Variants in SDK1 observed in about 807,000 individuals in gnomAD.
The protein encoded by SDK1 is protein sidekick-1.
A neutral mutation model predicts 245.5 loss-of-function variants in SDK1; 157 were observed. The observed-to-expected ratio is 0.64, with a 90% CI of 0.56 to 0.73. SDK1 has a LOEUF of 0.73. Among genes scored for constraint, SDK1 ranks in the 30% least tolerant of loss-of-function variants. The probability of loss-of-function intolerance (pLI) is 0.00; values close to 1 mark genes in which losing one functional copy is unlikely to be tolerated. For synonymous variants in SDK1, 1,647 were observed against 1,278.5 expected, an observed-to-expected ratio of 1.29 and a Z score of -6.15; for missense variants, 3,583 against 3,002.3, an observed-to-expected ratio of 1.19 and a Z score of -4.52.
intron 1 of SDK1, among the ~76,000 whole-genome samples, chr7:3,579,795 A>G (rs1319501845): frequency 6.6e-6 from 1 of 152,230 alleles, no homozygotes; most frequent in East Asian, 1.9e-4. Context: ...GGGCATCCAA[A>G]GAGAGAGGAA....
chr7:3,867,048 G>C (rs1423243747), intron 5 of SDK1, among the ~76,000 whole-genome samples: 1 of 152,212 alleles, frequency 6.6e-6, no homozygotes, highest in Non-Finnish European at 1.5e-5. Flanking sequence ...GCTGGTATGA[G>C]TGGGCGCAGG....
intron 1 of SDK1, among the ~76,000 whole-genome samples, chr7:3,472,026 G>C (rs1435645512): frequency 6.6e-6 from 1 of 152,112 alleles, no homozygotes; most frequent in Admixed American, 6.6e-5. Flanking sequence ...TAATCGGTAT[G>C]ACCCTCTTGT....
At chr7:3,632,535 C>T (rs1782327793) in intron 2 of SDK1, among the ~76,000 whole-genome samples, 1 of 150,198 alleles carries the variant, frequency 6.7e-6, no homozygotes, top group African/African-American at 2.4e-5. Context: ...TTCCCAAAAC[C>T]AGTGCTACAG....
chr7:3,558,474 G>A (rs1212251415), intron 1 of SDK1, among the ~76,000 whole-genome samples: 1 of 152,214 alleles, frequency 6.6e-6, no homozygotes, highest in Non-Finnish European at 1.5e-5. Context: ...TCATAGAGAA[G>A]ATTAGAATTA....
chr7:3,409,769 G>C lies in SDK1; in HGVS notation c.298+107885G>C, dbSNP rs577888403. 1.4e-4 allele frequency among the ~76,000 whole-genome samples: 22 copies of C among 152,296 alleles called. No homozygotes were observed. The South Asian group carries it at 4.4e-3, about 30-fold the overall frequency. On this transcript the variant is annotated intron_variant, in intron 1 of 44. Coordinates refer to ENST00000404826, the MANE Select transcript of SDK1 (RefSeq NM_152744.4). Reference sequence around the variant, plus strand: ...ACCACGCTTTGTATTTAGGTGGGCTGTGGTGGGGTGGAGGGGATTGAGGTG... The same window carrying C: ...ACCACGCTTTGTATTTAGGTGGGCTCTGGTGGGGTGGAGGGGATTGAGGTG...
intron 1 of SDK1, among the ~76,000 whole-genome samples, chr7:3,498,598 G>C (rs1266825704): frequency 6.6e-6 from 1 of 152,028 alleles, no homozygotes; most frequent in Non-Finnish European, 1.5e-5. Flanking sequence ...TTCCTTTCTT[G>C]GTTTTCCATC....
At chr7:3,484,487 G>T (rs933896844) in intron 1 of SDK1, among the ~76,000 whole-genome samples, 2 of 152,146 alleles carry the variant, frequency 1.3e-5, no homozygotes, top group African/African-American at 4.8e-5. Flanking sequence ...TTTCAGTTTG[G>T]TTGGAAAAAT....
chr7:3,991,558 G>A (rs765137255), intron 14 of SDK1, among the ~76,000 whole-genome samples: 3 of 152,180 alleles, frequency 2.0e-5, no homozygotes, highest in Non-Finnish European at 2.9e-5. Context: ...CACACAAGAT[G>A]GCTCTGTAGG....
At chr7:4,039,350 A>G (rs1788442210) in intron 17 of SDK1, among the ~76,000 whole-genome samples, 1 of 152,158 alleles carries the variant, frequency 6.6e-6, no homozygotes, top group South Asian at 2.1e-4. Context: ...CTCTATAAAT[A>G]TGCAACAGTA....
rs113473067 is a variant in SDK1, at chr7:3,430,041, A to C, written c.298+128157A>C. 2.3e-3 allele frequency among the ~76,000 whole-genome samples: 346 copies of C among 152,332 alleles called. 1 individual carries two copies. Among genetic ancestry groups the C allele is most frequent in the African/African-American group, 7.9e-3 (327 of 41,576 alleles). On this transcript the variant is annotated intron_variant, in intron 1 of 44. Transcript: ENST00000404826. ...GTGACATATTACATTTCAAGTGCCA[A>C]CTTGGGAATGGTGGAACTCTGCCTC...
At chr7:3,646,352 C>T (rs868421251) in intron 4 of SDK1, among the ~76,000 whole-genome samples, 12 of 151,626 alleles carry the variant, frequency 7.9e-5, no homozygotes, top group Admixed American at 2.6e-4. Flanking sequence ...AACAGTAAGT[C>T]TAATGTTTTC....
chr7:3,586,455 T>G (rs1464132889), intron 1 of SDK1, among the ~76,000 whole-genome samples: 1 of 150,818 alleles, frequency 6.6e-6, no homozygotes, highest in African/African-American at 2.4e-5. Context: ...CCCAGCACTT[T>G]GGGAGGCCGA....
intron 1 of SDK1, among the ~76,000 whole-genome samples, chr7:3,485,860 A>G (rs939491574): frequency 2.0e-5 from 3 of 151,818 alleles, no homozygotes; most frequent in Non-Finnish European, 4.4e-5. Flanking sequence ...TTAGGTTTTT[A>G]AAAAATCTTA....
chr7:3,720,012 G>T (rs1785318767), intron 4 of SDK1, among the ~76,000 whole-genome samples: 1 of 151,552 alleles, frequency 6.6e-6, no homozygotes, highest in Non-Finnish European at 1.5e-5. Flanking sequence ...AAAACTCAGA[G>T]TATCTTTGGG....
intron 1 of SDK1, among the ~76,000 whole-genome samples, chr7:3,580,985 A>AAAAC (rs1780465510): frequency 1.4e-5 from 2 of 139,608 alleles, no homozygotes; most frequent in African/African-American, 5.3e-5. Flanking sequence ...AAAAAAAAAA[A>AAAAC]AAAAAAAAAC....
chr7:4,011,218 C>A, intron 15 of SDK1, 105 bp downstream of exon 15: 2 of 1,407,846 alleles, frequency 1.4e-6, no homozygotes, highest in Non-Finnish European at 1.9e-6. Context: ...AACCCGCTGG[C>A]TTCCCTCAGG....
At chr7:3,923,985 G>A (rs1401792573) in intron 5 of SDK1, among the ~76,000 whole-genome samples, 1 of 152,102 alleles carries the variant, frequency 6.6e-6, no homozygotes, top group African/African-American at 2.4e-5. Context: ...TTGATTCTCA[G>A]CAGAAATGCA....
At chr7:3,344,046 C>CAT (rs1780428568) in intron 1 of SDK1, among the ~76,000 whole-genome samples, 1 of 147,798 alleles carries the variant, frequency 6.8e-6, no homozygotes. Flanking sequence ...ACTAGAAATG[C>CAT]ATGTATATTT....
At chr7:3,657,274 T>C (rs1244546404) in intron 4 of SDK1, among the ~76,000 whole-genome samples, 1 of 152,098 alleles carries the variant, frequency 6.6e-6, no homozygotes, top group Non-Finnish European at 1.5e-5. Context: ...CAAAACATGC[T>C]AAACAGATGA....
Sources: gnomAD v4.1 joint callset for allele counts (sites outside exome capture counted in the v4.1 genomes callset) on GRCh38, gnomAD v4.1.1 for gene constraint, MANE v1.5 for transcripts, NCBI Gene and HGNC (gene_info 2026-07-23, HGNC 2026-07-21) for gene names.